USP34: variants seen among roughly 807,000 people sequenced by gnomAD.
USP34 encodes ubiquitin specific peptidase 34, also known as ubiquitin carboxyl-terminal hydrolase 34.
In USP34, 70 loss-of-function variants were observed where a neutral mutation model predicts 460.3. The ratio of observed to expected loss-of-function variants is 0.15; its 90% CI spans 0.13 to 0.19. The LOEUF is 0.19. Among genes scored for constraint, USP34 ranks in the 10% least tolerant of loss-of-function variants. The probability of loss-of-function intolerance (pLI) is 1.00; values close to 1 mark genes in which losing one functional copy is unlikely to be tolerated. For missense variants in USP34, 3,985 were observed against 4,236.2 expected (o/e 0.94, Z 1.65); for synonymous variants, 1,647 against 1,405.3 (o/e 1.17, Z -3.85).
At chr2:61,359,229 C>CA (rs1692202154) in intron 10 of USP34, among the ~76,000 whole-genome samples, 1 of 152,078 alleles carries the variant, frequency 6.6e-6, no homozygotes, top group Admixed American at 6.5e-5. Context: ...ATGGTACTGA[C>CA]ATAAGGACAC....
chr2:61,334,003 T>G, intron 18 of USP34, 32 bp from the exon 19 acceptor site: 6 of 1,449,206 alleles, frequency 4.1e-6, no homozygotes, highest in Non-Finnish European at 5.6e-6. Flanking sequence ...CAAAATAATT[T>G]TAGTAATTCT....
chr2:61,242,920 C>T (rs1688310142), intron 51 of USP34, among the ~76,000 whole-genome samples: 1 of 151,912 alleles, frequency 6.6e-6, no homozygotes, highest in African/African-American at 2.4e-5. Flanking sequence ...GATCTCAGCT[C>T]ACTGCAATCT....
intron 1 of USP34, among the ~76,000 whole-genome samples, chr2:61,457,796 T>C (rs752620852): frequency 2.6e-5 from 4 of 152,126 alleles, no homozygotes; most frequent in Non-Finnish European, 4.4e-5. Flanking sequence ...TGCAGTGAGC[T>C]AGGATCATAT....
At chr2:61,454,701 C>G (rs1408272441) in intron 1 of USP34, among the ~76,000 whole-genome samples, 1 of 151,678 alleles carries the variant, frequency 6.6e-6, no homozygotes, top group Non-Finnish European at 1.5e-5. Context: ...AGGGGCCCAC[C>G]ACCACACCCA....
At chr2:61,309,766 C>T (rs2694619) in intron 27 of USP34, among the ~76,000 whole-genome samples, 79,851 of 151,974 alleles carry the variant, frequency 0.53, 21,312 homozygotes, top group South Asian at 0.74. Context: ...TATGAAGATA[C>T]TACTGTTGGA....
chr2:61,289,001 A>G, intron 33 of USP34, 124 bp from the exon 34 acceptor site: 1 of 953,564 alleles, frequency 1.0e-6, no homozygotes, highest in Non-Finnish European at 1.5e-6. Flanking sequence ...CATGTACTAT[A>G]AAAATTCTGC....
chr2:61,314,815 A>T, intron 24 of USP34, 60 bp downstream of exon 24: 2 of 1,588,956 alleles, frequency 1.3e-6, no homozygotes, highest in South Asian at 2.3e-5. Flanking sequence ...GAAAAATTTT[A>T]GTTTCACAAA....
At chr2:61,463,834 C>CAA (rs532688800) in intron 1 of USP34, among the ~76,000 whole-genome samples, 17 of 120,726 alleles carry the variant, frequency 1.4e-4, no homozygotes, top group African/African-American at 4.8e-4. Context: ...AATTCCTTTT[C>CAA]AAAAAAAAAA....
intron 41 of USP34, among the ~76,000 whole-genome samples, chr2:61,268,436 G>GTT (rs1198012169): frequency 2.3e-5 from 1 of 43,394 alleles, no homozygotes; most frequent in African/African-American, 1.2e-4. Context: ...AAGAGCTGTT[G>GTT]TTAAAAAAAA....
intron 65 of USP34, among the ~76,000 whole-genome samples, 165 bp downstream of exon 65, chr2:61,222,454 C>T (rs1687615009): frequency 6.6e-6 from 1 of 152,122 alleles, no homozygotes; most frequent in Non-Finnish European, 1.5e-5. Flanking sequence ...CGTAATAAGA[C>T]ATGATTAGTA....
At chr2:61,285,625 T>C (rs17007967) in intron 34 of USP34, among the ~76,000 whole-genome samples, 24,037 of 152,126 alleles carry the variant, frequency 0.16, 2,287 homozygotes, top group South Asian at 0.37. Context: ...AAGAAATATA[T>C]ACATGTCAGT....
chr2:61,427,099 CT>C (rs1694534571), intron 1 of USP34, among the ~76,000 whole-genome samples: 1 of 152,222 alleles, frequency 6.6e-6, no homozygotes, highest in Non-Finnish European at 1.5e-5. Flanking sequence ...ACGATCTCGG[CT>C]TACTGCAAGC....
intron 10 of USP34, among the ~76,000 whole-genome samples, chr2:61,366,091 A>G (rs1417399891): frequency 6.6e-6 from 1 of 152,156 alleles, no homozygotes; most frequent in Non-Finnish European, 1.5e-5. Flanking sequence ...ATGCCTGGCT[A>G]ATTTTTGTAC....
intron 8 of USP34, among the ~76,000 whole-genome samples, chr2:61,372,532 C>A (rs1341059695): frequency 6.6e-6 from 1 of 152,152 alleles, no homozygotes; most frequent in African/African-American, 2.4e-5. Context: ...GAGTTCCAGG[C>A]CAGGCTGGGC....
chr2:61,236,352 T>C lies in USP34; in HGVS notation c.6815A>G (p.Lys2272Arg), dbSNP rs779095387. 1 of 1,605,370 alleles carries C rather than the reference T, an allele frequency of 6.2e-7. No homozygotes were observed. Among genetic ancestry groups the C allele is most frequent in the Non-Finnish European group, 8.5e-7 (1 of 1,176,740 alleles). The part of the protein sequence containing the change: ...WHDNMQFLQD[K>R]NIFEHTYFGF... ...AAAATATGTATGTTCAAAAATGTTT[T>C]TGTCTTGAAGAAACTGCATGTTATC... Residue 2272 changes from lysine (K) to arginine (R), a missense_variant, in exon 54 of 80, where the codon AAA (lysine) becomes AGA (arginine). Around this residue, in one of 14 missense-constraint regions of USP34, gnomAD observed 604 missense variants for 684.8 expected, o/e 0.88. Coordinates refer to ENST00000398571, the MANE Select transcript of USP34 (RefSeq NM_014709.4).
At chr2:61,299,315 C>CAA (rs1690146928) in intron 29 of USP34, among the ~76,000 whole-genome samples, 1 of 152,152 alleles carries the variant, frequency 6.6e-6, no homozygotes, top group Non-Finnish European at 1.5e-5. Context: ...ACCTGCCTCT[C>CAA]AATCTCAAAA....
chr2:61,427,028 A>C (rs1694532231), intron 1 of USP34, among the ~76,000 whole-genome samples: 1 of 152,162 alleles, frequency 6.6e-6, no homozygotes, highest in African/African-American at 2.4e-5. Context: ...TACAGCTTAG[A>C]TCACAATACC....
intron 1 of USP34, among the ~76,000 whole-genome samples, chr2:61,453,815 T>G (rs2104074621): frequency 6.6e-6 from 1 of 152,004 alleles, no homozygotes; most frequent in African/African-American, 2.4e-5. Context: ...TTAAAAATAT[T>G]TTCATATTTT....
At chr2:61,469,460 T>C (rs1291803983) in intron 1 of USP34, among the ~76,000 whole-genome samples, 1 of 152,156 alleles carries the variant, frequency 6.6e-6, no homozygotes, top group East Asian at 1.9e-4. Flanking sequence ...GTGACACAAA[T>C]ACTGGAACCT....
Sources: gnomAD v4.1 joint callset for allele counts (sites outside exome capture counted in the v4.1 genomes callset) on GRCh38, gnomAD v4.1.1 for gene constraint, gnomAD v4.1.1 regional missense constraint, MANE v1.5 for transcripts, NCBI Gene and HGNC (gene_info 2026-07-23, HGNC 2026-07-21) for gene names.